CCSER1: variants seen among roughly 807,000 people sequenced by gnomAD.
CCSER1 encodes the protein coiled-coil serine rich protein 1, also known as serine-rich coiled-coil domain-containing protein 1.
A neutral mutation model predicts 82.0 loss-of-function variants in CCSER1; 41 were observed. The observed-to-expected ratio is 0.50, with a 90% CI of 0.39 to 0.65. CCSER1 has a LOEUF of 0.65. Among genes scored for constraint, CCSER1 ranks in the 30% least tolerant of loss-of-function variants. The pLI, the probability that CCSER1 is intolerant of heterozygous loss-of-function variation, is 0.00. For synonymous variants in CCSER1, 414 were observed against 383.9 expected, an observed-to-expected ratio of 1.08 and a Z score of -0.92; for missense variants, 1,119 against 1,064.2, an observed-to-expected ratio of 1.05 and a Z score of -0.72.
At chr4:90,924,726 GT>G (rs1728836054) in intron 9 of CCSER1, among the ~76,000 whole-genome samples, 1 of 151,978 alleles carries the variant, frequency 6.6e-6, no homozygotes, top group Non-Finnish European at 1.5e-5. Flanking sequence ...TGTTGTTGTT[GT>G]TTGTTTGTTT....
chr4:91,297,421 G>GTGTGTA, intron 10 of CCSER1, among the ~76,000 whole-genome samples: 1 of 146,132 alleles, frequency 6.8e-6, no homozygotes, highest in Non-Finnish European at 1.5e-5. Flanking sequence ...GTGTGTGTGT[G>GTGTGTA]TGTTAGGGAG....
chr4:90,584,438 A>G (rs1281279967), intron 5 of CCSER1, among the ~76,000 whole-genome samples: 9 of 152,192 alleles, frequency 5.9e-5, no homozygotes, highest in Non-Finnish European at 1.3e-4. Context: ...CAGCAACAGA[A>G]AAAGCTTGGG....
chr4:90,607,607 A>G (rs1784900872), intron 5 of CCSER1, among the ~76,000 whole-genome samples: 1 of 151,864 alleles, frequency 6.6e-6, no homozygotes, highest in Non-Finnish European at 1.5e-5. Context: ...GTTTATCCAA[A>G]TTTTCCCTTT....
chr4:90,130,011 A>C (rs570410348), intron 1 of CCSER1, among the ~76,000 whole-genome samples: 19 of 152,366 alleles, frequency 1.2e-4, no homozygotes, highest in Admixed American at 7.8e-4. Context: ...AGTTAAGAGA[A>C]TCAGCAACTG....
chr4:90,258,805 T>A (rs1477275544), intron 1 of CCSER1, among the ~76,000 whole-genome samples: 1 of 152,170 alleles, frequency 6.6e-6, no homozygotes, highest in Admixed American at 6.5e-5. Flanking sequence ...ACTCCTCACC[T>A]AAGCAGTGTA....
At chr4:91,001,647 C>T (rs1316676944) in intron 9 of CCSER1, among the ~76,000 whole-genome samples, 3 of 151,998 alleles carry the variant, frequency 2.0e-5, no homozygotes, top group Admixed American at 2.0e-4. Context: ...ATTTGAGTCC[C>T]TACGTGTTAG....
intron 3 of CCSER1, among the ~76,000 whole-genome samples, chr4:90,363,117 T>G (rs1217366206): frequency 2.6e-5 from 4 of 152,116 alleles, no homozygotes; most frequent in South Asian, 2.1e-4. Context: ...GATTATACAG[T>G]AAAATATGGC....
At chr4:90,936,015 A>G (rs1730888850) in intron 9 of CCSER1, among the ~76,000 whole-genome samples, 1 of 152,050 alleles carries the variant, frequency 6.6e-6, no homozygotes, top group African/African-American at 2.4e-5. Flanking sequence ...AATAAAATAT[A>G]CTTTCAAAGT....
chr4:90,471,850 A>T (rs1346896071), intron 5 of CCSER1, among the ~76,000 whole-genome samples: 1 of 151,946 alleles, frequency 6.6e-6, no homozygotes, highest in Non-Finnish European at 1.5e-5. Flanking sequence ...GGTGGCAGTC[A>T]CCTGTAATCC....
chr4:91,064,078 C>T (rs990812081), intron 9 of CCSER1, among the ~76,000 whole-genome samples: 2 of 152,104 alleles, frequency 1.3e-5, no homozygotes, highest in Non-Finnish European at 2.9e-5. Flanking sequence ...TTAAACTATG[C>T]CATTGCTGTG....
chr4:90,807,887 G>GA (rs538312293), intron 7 of CCSER1, among the ~76,000 whole-genome samples: 9 of 151,388 alleles, frequency 5.9e-5, no homozygotes, highest in African/African-American at 1.7e-4. Context: ...GCAGAATTAG[G>GA]AAAAAAAAAT....
chr4:90,669,446 T>A (rs1560918273), intron 6 of CCSER1, among the ~76,000 whole-genome samples: 1 of 152,084 alleles, frequency 6.6e-6, no homozygotes, highest in Non-Finnish European at 1.5e-5. Flanking sequence ...TTGGACTGCT[T>A]TAATACTCTA....
At chr4:91,388,458 GT>G (rs1751442989) in intron 10 of CCSER1, among the ~76,000 whole-genome samples, 1 of 152,012 alleles carries the variant, frequency 6.6e-6, no homozygotes, top group Non-Finnish European at 1.5e-5. Flanking sequence ...GAAACTATAT[GT>G]TTACTTTGTA....
At chr4:90,291,083 A>G (rs1467776691) in intron 1 of CCSER1, among the ~76,000 whole-genome samples, 2 of 152,060 alleles carry the variant, frequency 1.3e-5, no homozygotes, top group African/African-American at 2.4e-5. Context: ...AAATAAAACA[A>G]TATTCAATTA....
At chr4:91,332,209 A>C (rs2149277568) in intron 10 of CCSER1, among the ~76,000 whole-genome samples, 1 of 152,100 alleles carries the variant, frequency 6.6e-6, no homozygotes, top group South Asian at 2.1e-4. Flanking sequence ...ATAATTATTT[A>C]TAGCATAATT....
intron 4 of CCSER1, among the ~76,000 whole-genome samples, chr4:90,453,292 A>G (rs1363294594): frequency 6.6e-6 from 1 of 152,140 alleles, no homozygotes; most frequent in Non-Finnish European, 1.5e-5. Context: ...GGAATTGGGA[A>G]CCACCAGATG....
Position 91,036,081 on chromosome 4 carries a change from T to C in CCSER1, c.2173-49869T>C, listed in dbSNP as rs77222326. Among the ~76,000 whole-genome samples the C allele has an allele frequency of 9.6e-3, 1,456 of 152,282 alleles. 22 individuals carry two copies. Among genetic ancestry groups the C allele is most frequent in the African/African-American group, 0.034 (1,399 of 41,564 alleles). On this transcript the variant is annotated intron_variant, in intron 9 of 10. Coordinates refer to ENST00000509176, the MANE Select transcript of CCSER1 (RefSeq NM_001145065.2). ...TGAAAATATGTTTGTGTGAAGCAGA[T>C]GCTTCATTGTCAAAGATTCAATAAT...
chr4:91,045,076 ATAAACC>A (rs762001776), intron 9 of CCSER1, among the ~76,000 whole-genome samples: 20 of 152,180 alleles, frequency 1.3e-4, no homozygotes, highest in Non-Finnish European at 2.8e-4. Flanking sequence ...TCTTATACAT[ATAAACC>A]TAGAACAGTG....
chr4:91,086,031 G>A, intron 10 of CCSER1, 37 bp downstream of exon 10: 1 of 1,260,148 alleles, frequency 7.9e-7, no homozygotes, highest in East Asian at 2.5e-5. Context: ...GGAAAAAGAG[G>A]AAACATGGCT....
Sources: gnomAD v4.1 joint callset for allele counts (sites outside exome capture counted in the v4.1 genomes callset) on GRCh38, gnomAD v4.1.1 for gene constraint, MANE v1.5 for transcripts, NCBI Gene and HGNC (gene_info 2026-07-23, HGNC 2026-07-21) for gene names.